Variants in ALG14 observed in about 807,000 individuals in gnomAD.
ALG14 encodes UDP-N-acetylglucosamine transferase subunit ALG14.
Under a neutral mutation model 22.8 loss-of-function variants are expected in ALG14, and 17 were observed. The observed-to-expected ratio is 0.75, with a 90% CI of 0.51 to 1.12. ALG14 has a LOEUF of 1.12. Among genes scored for constraint, ALG14 ranks in the 50% most tolerant of loss-of-function variants. The probability of loss-of-function intolerance (pLI) is 0.00; values close to 1 mark genes in which losing one functional copy is unlikely to be tolerated. For synonymous variants in ALG14, 89 were observed against 103.7 expected (o/e 0.86, Z 0.86); for missense variants, 288 against 271.8 (o/e 1.06, Z -0.42).
chr1:95,002,157 T>C (rs1673085826), intron 3 of ALG14, among the ~76,000 whole-genome samples: 1 of 152,134 alleles, frequency 6.6e-6, no homozygotes, highest in Non-Finnish European at 1.5e-5. Flanking sequence ...TCTATTTTTC[T>C]ACAACAGTGA....
intron 3 of ALG14, among the ~76,000 whole-genome samples, chr1:95,026,468 G>T (rs1006231129): frequency 7.0e-6 from 1 of 143,568 alleles, no homozygotes; most frequent in East Asian, 1.9e-4. Flanking sequence ...AGGAATGTGT[G>T]TGTGTGTGTG....
intron 2 of ALG14, chr1:95,062,011 G>A (rs1675176151): frequency 2.0e-5 from 3 of 152,002 alleles, no homozygotes; most frequent in African/African-American, 2.4e-5. Context: ...TGACTAAAAT[G>A]CTATAATGAA....
chr1:95,006,202 G>T (rs1238469522), intron 3 of ALG14, among the ~76,000 whole-genome samples: 2 of 152,156 alleles, frequency 1.3e-5, no homozygotes, highest in Non-Finnish European at 2.9e-5. Flanking sequence ...CTATGCACTT[G>T]ATTATGCCTC....
chr1:95,011,422 C>A (rs1673357752), intron 3 of ALG14, among the ~76,000 whole-genome samples: 1 of 151,482 alleles, frequency 6.6e-6, no homozygotes, highest in Non-Finnish European at 1.5e-5. Flanking sequence ...AAATAAATTT[C>A]TTTCTTTCTT....
intron 3 of ALG14, among the ~76,000 whole-genome samples, chr1:94,986,292 C>T (rs977905277): frequency 2.0e-5 from 3 of 152,130 alleles, no homozygotes; most frequent in Non-Finnish European, 2.9e-5. Context: ...GTATACTCTG[C>T]ACCTAGAACA....
At chr1:95,002,088 G>GT (rs1673085019) in intron 3 of ALG14, among the ~76,000 whole-genome samples, 1 of 152,198 alleles carries the variant, frequency 6.6e-6, no homozygotes, top group Non-Finnish European at 1.5e-5. Context: ...GGAAACACTG[G>GT]TTGTTGCAGG....
chr1:94,985,665 C>A (rs911169704), intron 3 of ALG14, among the ~76,000 whole-genome samples: 2 of 152,294 alleles, frequency 1.3e-5, no homozygotes, highest in Admixed American at 6.5e-5. Context: ...ACTCTCTATA[C>A]ACAAACTATG....
intron 3 of ALG14, among the ~76,000 whole-genome samples, chr1:95,020,747 A>AC (rs1673637940): frequency 6.6e-6 from 1 of 151,330 alleles, no homozygotes; most frequent in Non-Finnish European, 1.5e-5. Flanking sequence ...TCAAAAAAAA[A>AC]AAACAAAACA....
chr1:94,983,565 C>T (rs1227164974), intron 3 of ALG14: 1 of 466,842 alleles, frequency 2.1e-6, no homozygotes, highest in African/African-American at 2.0e-5. Context: ...ACTTCTAGCA[C>T]AGTTCCTGGT....
intron 3 of ALG14, among the ~76,000 whole-genome samples, chr1:94,987,601 C>T (rs537374570): frequency 2.6e-5 from 4 of 152,176 alleles, no homozygotes; most frequent in Admixed American, 2.6e-4. Flanking sequence ...TGGGTCACCA[C>T]AGGTCAAGTC....
chr1:95,052,803 G>C (rs1263250836), intron 2 of ALG14, among the ~76,000 whole-genome samples: 1 of 147,284 alleles, frequency 6.8e-6, no homozygotes, highest in Non-Finnish European at 1.5e-5. Flanking sequence ...GTTGTACTGA[G>C]ACAAGATCGC....
At chr1:94,999,859 C>G (rs1046229235) in intron 3 of ALG14, among the ~76,000 whole-genome samples, 5 of 152,194 alleles carry the variant, frequency 3.3e-5, no homozygotes, top group African/African-American at 7.2e-5. Flanking sequence ...GAAAGCCTCT[C>G]AAATCTGGGC....
intron 3 of ALG14, among the ~76,000 whole-genome samples, chr1:95,010,643 T>C (rs1427285944): frequency 6.6e-6 from 1 of 152,188 alleles, no homozygotes; most frequent in Non-Finnish European, 1.5e-5. Context: ...CAGGAAATTT[T>C]TGATGGTGAA....
intron 3 of ALG14, among the ~76,000 whole-genome samples, chr1:95,000,761 G>A (rs1399534347): frequency 1.1e-4 from 14 of 125,406 alleles, no homozygotes; most frequent in African/African-American, 4.2e-4. Flanking sequence ...AAAGCTTTAG[G>A]ACCAATATGC....
intron 2 of ALG14, among the ~76,000 whole-genome samples, chr1:95,059,789 T>A (rs1405618638): frequency 6.6e-6 from 1 of 152,034 alleles, no homozygotes; most frequent in Non-Finnish European, 1.5e-5. Flanking sequence ...GGACCAAATT[T>A]TAAATTTTAC....
intron 2 of ALG14, among the ~76,000 whole-genome samples, chr1:95,040,020 A>G (rs181149486): frequency 6.6e-6 from 1 of 151,978 alleles, no homozygotes; most frequent in Non-Finnish European, 1.5e-5. Flanking sequence ...AAAAAATACA[A>G]TATTAGCCAG....
At chr1:94,997,300 G>C (rs967558054) in intron 3 of ALG14, among the ~76,000 whole-genome samples, 3 of 152,232 alleles carry the variant, frequency 2.0e-5, no homozygotes, top group Non-Finnish European at 1.5e-5. Flanking sequence ...CCCTCTCCCA[G>C]AGTAGTCTTA....
chr1:95,029,128 A>C (rs996922580), intron 2 of ALG14, among the ~76,000 whole-genome samples: 2 of 152,174 alleles, frequency 1.3e-5, no homozygotes, highest in Admixed American at 6.5e-5. Context: ...CATGAACTTG[A>C]AATCAAGTGG....
In ALG14 at chr1:94,981,022, C is replaced by T. The variant is rs779948834; in HGVS notation, c.*2054G>A. The T allele has an allele frequency of 6.6e-6, 1 of 152,234 alleles. No individual in the cohort carries two copies. The highest frequency in any genetic ancestry group is 1.5e-5 in the Non-Finnish European group (1 of 68,056). The allele number at this position is 152,234 out of a possible 1,614,324, so 9.4% of individuals were successfully genotyped here. Reference sequence around the variant, plus strand: ...GTGGGGGCCCAGGGAAGCTGCCCCACAGCACAGAGAGGCATTCACTAAACG... The same window carrying T: ...GTGGGGGCCCAGGGAAGCTGCCCCATAGCACAGAGAGGCATTCACTAAACG... On this transcript the variant is annotated 3_prime_UTR_variant, in exon 4 of 4. Transcript: ENST00000370205.
Sources: allele counts gnomAD v4.1 joint callset (sites outside exome capture counted in the v4.1 genomes callset), GRCh38; gene constraint gnomAD v4.1.1; transcripts MANE v1.5; gene names NCBI Gene and HGNC (gene_info 2026-07-23, HGNC 2026-07-21).